The following SYBU variants were observed in gnomAD, a reference collection of about 807,000 sequenced individuals.
SYBU encodes syntabulin, also known as GOLSYN A protein.
A neutral mutation model predicts 35.9 loss-of-function variants in SYBU; 21 were observed. That is an observed-to-expected ratio of 0.58 (90% CI 0.41 to 0.84). The LOEUF (loss-of-function observed/expected upper bound fraction) is 0.84. SYBU is among the 40% of genes least tolerant of loss of function. SYBU has a pLI of 0.00. For synonymous variants in SYBU, 319 were observed against 324.3 expected (o/e 0.98, Z 0.18); for missense variants, 768 against 848.2 (o/e 0.91, Z 1.17).
chr8:109,602,599 A>T (rs897704568), intron 3 of SYBU, among the ~76,000 whole-genome samples: 9 of 151,942 alleles, frequency 5.9e-5, no homozygotes, highest in South Asian at 2.1e-4. Context: ...ACACCCGGTT[A>T]ATTTTTGCAT....
intron 3 of SYBU, among the ~76,000 whole-genome samples, chr8:109,592,021 T>C (rs528654183): frequency 2.6e-5 from 4 of 151,904 alleles, no homozygotes; most frequent in Non-Finnish European, 4.4e-5. Flanking sequence ...ATATTAAGAA[T>C]TGCTAAAAGA....
intron 1 of SYBU, among the ~76,000 whole-genome samples, chr8:109,661,715 C>A (rs1260820967): frequency 1.3e-5 from 2 of 152,068 alleles, no homozygotes; most frequent in Admixed American, 1.3e-4. Context: ...GAGAATAAGC[C>A]ACATGTATTA....
chr8:109,628,216 T>C (rs1281199904), intron 2 of SYBU, among the ~76,000 whole-genome samples: 1 of 152,076 alleles, frequency 6.6e-6, no homozygotes, highest in African/African-American at 2.4e-5. Flanking sequence ...CATAAAAAGA[T>C]GTTTTGGGGC....
At chr8:109,652,474 C>T (rs1816188021) in intron 1 of SYBU, among the ~76,000 whole-genome samples, 1 of 152,106 alleles carries the variant, frequency 6.6e-6, no homozygotes, top group Non-Finnish European at 1.5e-5. Flanking sequence ...TTTTGGGCTT[C>T]CCCTTGAATC....
At chr8:109,682,904 C>T (rs1817434338), upstream of SYBU, among the ~76,000 whole-genome samples, 1 of 152,244 alleles carries the variant, frequency 6.6e-6, no homozygotes, top group South Asian at 2.1e-4. Flanking sequence ...TAAGGTACAG[C>T]TCTGGACATG....
chr8:109,577,995 A>G lies in SYBU; in HGVS notation c.757T>C (p.Cys253Arg). 1 of 1,613,434 alleles carries G rather than the reference A, an allele frequency of 6.2e-7. No homozygotes were observed. Among genetic ancestry groups the G allele is most frequent in the Non-Finnish European group, 8.5e-7 (1 of 1,179,728 alleles). The change falls in exon 6 of 7, where the codon TGC becomes CGC. Residue 253 changes from cysteine to arginine, a missense_variant. Cys to Arg is a radical substitution (Grantham distance 180). Coordinates refer to ENST00000276646, the MANE Select transcript of SYBU (RefSeq NM_001099754.2). ...IMRRSGRYMS[C>R]GENHGVRPPN... The stretch of plus-strand genomic sequence containing the variant: ...GGTCTGACACCATGATTTTCACCGC[A>G]AGACATGTACCTTCCAGAACGCCTG...
At chr8:109,630,963 C>A (rs186042629) in intron 2 of SYBU, among the ~76,000 whole-genome samples, 1 of 152,224 alleles carries the variant, frequency 6.6e-6, no homozygotes, top group Admixed American at 6.5e-5. Context: ...ACAGAAGCCA[C>A]GGAGGAAAAT....
In SYBU at chr8:109,606,120, C is replaced by G. The variant is rs1246694199; in HGVS notation, c.427+12722G>C. Among the ~76,000 whole-genome samples, 3 of 152,298 alleles carry G rather than the reference C, an allele frequency of 2.0e-5. No homozygotes were observed. The East Asian group carries it at 5.8e-4, about 29-fold the overall frequency. ...TATTTCACTTTTTGTTAGGTACATT[C>G]TCATGTACATAAAATCCCACAATTC... On this transcript the variant is annotated intron_variant, in intron 3 of 6. Transcript: ENST00000276646.
In SYBU at chr8:109,586,074, A is replaced by G. The variant is rs766837011; in HGVS notation, c.516T>C (p.Ser172=). The change falls in exon 4 of 7, where the codon TCT becomes TCC. Residue 172 remains serine (S), a synonymous_variant. Transcript: ENST00000276646. ...ATGGTGCCTACTTGCGTGAAGAAGA[A>G]GACCGCTTGCTTCCCGCAGTCGACA... ...VHMSTAGSKR[S]SSSRNRGPHG... is the part of the protein sequence containing the mutation. 3.2e-5 allele frequency: 52 copies of G among 1,610,400 alleles called. No individual in the cohort carries two copies. Among genetic ancestry groups the G allele is most frequent in the Middle Eastern group, 3.3e-4 (2 of 6,046 alleles).
chr8:109,579,282 T>A (rs1822728047), intron 5 of SYBU, among the ~76,000 whole-genome samples: 1 of 152,146 alleles, frequency 6.6e-6, no homozygotes, highest in Admixed American at 6.5e-5. Context: ...TGAATTAACT[T>A]GTTGCTTGCT....
chr8:109,632,914 A>G (rs1813802410), intron 2 of SYBU, among the ~76,000 whole-genome samples: 1 of 152,222 alleles, frequency 6.6e-6, no homozygotes. Context: ...GGGCAGGAAT[A>G]GCCATGCCGG....
At position 109,579,858 on chromosome 8, in the gene SYBU, A is replaced by T; in HGVS notation, c.675T>A (p.Ser225=). The stretch of plus-strand genomic sequence containing the variant: ...AGCCTGAGTTGCTACTGCTTGGGGA[A>T]GAAGGTGCATAACTGGGATGGATAT... ...PVNIHPSYAP[S]SPSSSNSGSY... The change falls in exon 5 of 7, where the codon TCT becomes TCA. Residue 225 remains serine (S), a synonymous_variant. Coordinates refer to ENST00000276646, the MANE Select transcript of SYBU (RefSeq NM_001099754.2). 1 of 1,613,918 alleles carries T rather than the reference A, an allele frequency of 6.2e-7. No individual in the cohort carries two copies. The highest frequency in any genetic ancestry group is 8.5e-7 in the Non-Finnish European group (1 of 1,179,946).
chr8:109,612,016 A>G (rs1254588110), intron 3 of SYBU, among the ~76,000 whole-genome samples: 1 of 152,194 alleles, frequency 6.6e-6, no homozygotes, highest in East Asian at 1.9e-4. Flanking sequence ...ACACTCTCCT[A>G]GTGCAATTAA....
chr8:109,678,443 T>A (rs1474230917), intron 1 of SYBU, among the ~76,000 whole-genome samples: 3 of 142,244 alleles, frequency 2.1e-5, no homozygotes, highest in Admixed American at 7.1e-5. Context: ...CCTTTTTTTT[T>A]TTTTTTTTTT....
chr8:109,646,672 T>G (rs564332396), upstream of SYBU: 3 of 152,132 alleles, frequency 2.0e-5, no homozygotes, highest in Non-Finnish European at 4.4e-5. Flanking sequence ...AGAACAAACT[T>G]TTAAAGTTAA....
At chr8:109,587,466 T>A (rs1823750620) in intron 3 of SYBU, among the ~76,000 whole-genome samples, 1 of 152,196 alleles carries the variant, frequency 6.6e-6, no homozygotes, top group African/African-American at 2.4e-5. Flanking sequence ...ACTTCTCCCA[T>A]ACTATGCTTT....
rs182054486 is a variant in SYBU, at chr8:109,601,489, A to G, written c.428-15327T>C. Among the ~76,000 whole-genome samples the G allele has an allele frequency of 2.0e-5, 3 of 152,316 alleles. No homozygotes were observed. In the East Asian group the frequency reaches 5.8e-4, roughly 29 times the overall value. On this transcript the variant is annotated intron_variant, in intron 3 of 6. Transcript: ENST00000276646. ...GCTCAAGGGTTTCCTAGGAGGAGTT[A>G]GACTATACAGACAAACAACCAGGAT...
Position 109,575,823 on chromosome 8 carries a change from A to C in SYBU, c.1075T>G (p.Phe359Val). 1.2e-6 allele frequency: 2 copies of C among 1,614,058 alleles called. No homozygotes were observed. The highest frequency in any genetic ancestry group is 1.7e-6 in the Non-Finnish European group (2 of 1,179,996). ...TTGTTTTGGATGTTTATGTCCACAA[A>C]ATATTTCTGAATGCCTTTATCTTTA... ...ADKDKGIQKY[F>V]VDINIQNKKL... Residue 359 changes from phenylalanine (F) to valine (V), a missense_variant, in exon 7 of 7, where the codon TTT becomes GTT. By Grantham distance (50) the Phe-to-Val change is conservative. Transcript: ENST00000276646.
intron 2 of SYBU, among the ~76,000 whole-genome samples, chr8:109,623,880 A>G (rs1434232870): frequency 1.3e-5 from 2 of 152,200 alleles, no homozygotes; most frequent in Admixed American, 1.3e-4. Context: ...AGAATAAAAT[A>G]AAGACATACT....
Sources: allele counts gnomAD v4.1 joint callset (sites outside exome capture counted in the v4.1 genomes callset), GRCh38; gene constraint gnomAD v4.1.1; transcripts MANE v1.5; gene names NCBI Gene and HGNC (gene_info 2026-07-23, HGNC 2026-07-21).